Variants in CTIF observed in about 807,000 individuals in gnomAD.
CTIF encodes cap binding complex dependent translation initiation factor.
A neutral mutation model predicts 66.0 loss-of-function variants in CTIF; 21 were observed. The ratio of observed to expected loss-of-function variants is 0.32; its 90% confidence interval spans 0.23 to 0.46. The LOEUF is 0.46. CTIF is among the 20% of genes least tolerant of loss of function. CTIF has a pLI of 1.00. For missense variants in CTIF, 739 were observed against 812.7 expected (o/e 0.91, Z 1.10); for synonymous variants, 345 against 326.4 (o/e 1.06, Z -0.62).
intron 6 of CTIF, among the ~76,000 whole-genome samples, chr18:48,705,520 G>A (rs775006034): frequency 7.2e-5 from 11 of 152,196 alleles, no homozygotes; most frequent in Non-Finnish European, 1.5e-4. Context: ...ACAGGTGCAC[G>A]GGGTTAGGAC....
At chr18:48,705,509 C>T (rs2092140741) in intron 6 of CTIF, among the ~76,000 whole-genome samples, 1 of 152,250 alleles carries the variant, frequency 6.6e-6, no homozygotes, top group Non-Finnish European at 1.5e-5. Context: ...AAGTCACGTT[C>T]ACAGGTGCAC....
chr18:48,582,310 C>T lies in CTIF; in HGVS notation c.-28-37228C>T, dbSNP rs570138803. Reference sequence around the variant, plus strand: ...GGCAGGGCAGGGAGGTCATGGACCACGCATGGTGTGGACACACCCGTGGGA... The same window carrying T: ...GGCAGGGCAGGGAGGTCATGGACCATGCATGGTGTGGACACACCCGTGGGA... On this transcript the variant is annotated intron_variant, in intron 1 of 11. Coordinates refer to ENST00000256413, the MANE Select transcript of CTIF (RefSeq NM_014772.3). Among the ~76,000 whole-genome samples, 8 of 152,010 alleles carry T rather than the reference C, an allele frequency of 5.3e-5. No homozygotes were observed. The East Asian group carries it at 7.8e-4, about 15-fold the overall frequency.
At chr18:48,573,239 A>G (rs768011229) in intron 1 of CTIF, among the ~76,000 whole-genome samples, 3 of 152,228 alleles carry the variant, frequency 2.0e-5, no homozygotes, top group African/African-American at 4.8e-5. Flanking sequence ...CTCAGCCCAC[A>G]GAGCTGCTGG....
chr18:48,604,179 T>TTG (rs1390046722), intron 1 of CTIF, among the ~76,000 whole-genome samples: 15 of 122,736 alleles, frequency 1.2e-4, no homozygotes, highest in Admixed American at 1.0e-3. Flanking sequence ...TTTTTTTTTT[T>TTG]TTTTTTTTTT....
chr18:48,824,288 T>G (rs966806214), intron 10 of CTIF, among the ~76,000 whole-genome samples: 1 of 152,182 alleles, frequency 6.6e-6, no homozygotes, highest in Non-Finnish European at 1.5e-5. Flanking sequence ...TAAGGACCTC[T>G]TTCTCCTGCC....
intron 1 of CTIF, among the ~76,000 whole-genome samples, chr18:48,603,230 G>A (rs537317613): frequency 1.4e-5 from 2 of 146,500 alleles, no homozygotes; most frequent in Non-Finnish European, 3.0e-5. Context: ...GGGTGGGTGG[G>A]TAGATTGATG....
intron 7 of CTIF, among the ~76,000 whole-genome samples, chr18:48,716,811 CAA>C (rs1222114076): frequency 5.3e-5 from 8 of 152,188 alleles, no homozygotes; most frequent in South Asian, 2.1e-4. Flanking sequence ...GCCAGGGAGA[CAA>C]GAGAGCCATT....
At chr18:48,670,492 C>A (rs1012745748) in intron 5 of CTIF, 177 bp from the exon 6 acceptor site, 32 of 557,548 alleles carry the variant, frequency 5.7e-5, no homozygotes, top group African/African-American at 1.9e-4. Context: ...AGGACCCCCC[C>A]CCCACACACA....
At position 48,626,651 on chromosome 18, in the gene CTIF, T is replaced by G. The variant is rs529447207; in HGVS notation, c.180+6906T>G. On this transcript the variant is annotated intron_variant, in intron 2 of 11. Coordinates refer to ENST00000256413, the MANE Select transcript of CTIF (RefSeq NM_014772.3). ...TGAGCCACCGCACCTGGCCGTTTTT[T>G]TTTTGTTTTTTTTTTTTTTTTGAGA... Among the ~76,000 whole-genome samples the G allele has an allele frequency of 4.6e-5, 6 of 131,186 alleles. No individual in the cohort carries two copies. The East Asian group carries it at 1.0e-3, about 22-fold the overall frequency. The allele number at this position is 131,186 out of a possible 152,430, so 86.1% of individuals were successfully genotyped here. A position where few individuals can be genotyped will look rare whatever the true frequency, so the allele number is the denominator to read the frequency against.
At chr18:48,628,774 T>C (rs2144540564) in intron 2 of CTIF, among the ~76,000 whole-genome samples, 1 of 152,316 alleles carries the variant, frequency 6.6e-6, no homozygotes, top group East Asian at 1.9e-4. Context: ...ACAGGAAAGT[T>C]GTTTGTTCCT....
chr18:48,764,097 A>C, intron 9 of CTIF, among the ~76,000 whole-genome samples: 1 of 151,202 alleles, frequency 6.6e-6, no homozygotes, highest in African/African-American at 2.4e-5. Context: ...TCTCTGTCCC[A>C]CTCTGAGCAT....
At chr18:48,825,986 C>T (rs1377554523) in intron 10 of CTIF, 1 of 152,212 alleles carries the variant, frequency 6.6e-6, no homozygotes, top group Non-Finnish European at 1.5e-5. Context: ...ACTGACCAGC[C>T]AAAAACCCTT....
intron 9 of CTIF, among the ~76,000 whole-genome samples, chr18:48,787,079 G>T (rs1341452160): frequency 6.6e-6 from 1 of 152,188 alleles, no homozygotes; most frequent in Non-Finnish European, 1.5e-5. Context: ...CCAGACCATT[G>T]AGGCAGGGGC....
intron 6 of CTIF, chr18:48,682,983 G>A (rs1435665410): frequency 6.6e-6 from 1 of 152,334 alleles, no homozygotes; most frequent in African/African-American, 2.4e-5. Flanking sequence ...CCTGGGCTCA[G>A]TGTTCCAGAT....
intron 9 of CTIF, among the ~76,000 whole-genome samples, chr18:48,772,488 A>G (rs1352413856): frequency 4.0e-5 from 6 of 151,790 alleles, no homozygotes; most frequent in Admixed American, 2.6e-4. Flanking sequence ...CCCTACAGCA[A>G]TAACTCCCCT....
chr18:48,771,270 G>A (rs1371726432), intron 9 of CTIF, among the ~76,000 whole-genome samples: 5 of 152,136 alleles, frequency 3.3e-5, no homozygotes, highest in Non-Finnish European at 7.4e-5. Flanking sequence ...GATGTCTTGG[G>A]GCAAAGAATG....
At chr18:48,576,409 A>G (rs139318781) in intron 1 of CTIF, among the ~76,000 whole-genome samples, 114 of 152,294 alleles carry the variant, frequency 7.5e-4, no homozygotes, top group African/African-American at 2.6e-3. Flanking sequence ...TCCCTTCTTG[A>G]GATGGCCTTT....
In CTIF at chr18:48,603,528, T is replaced by TGG. The variant is rs1473962137; in HGVS notation, c.-28-16010_-28-16009insGG. 4.1e-5 allele frequency among the ~76,000 whole-genome samples: 6 copies of TGG among 145,306 alleles called. No homozygotes were observed. In the East Asian group the frequency reaches 1.2e-3, roughly 30 times the overall value. On this transcript the variant is annotated intron_variant, in intron 1 of 11. Transcript: ENST00000256413. ...ATGGATGGATGGATGGATGGATGGA[T>TGG]AGATGGATGAATGTGTGGATGGATG...
At chr18:48,724,164 G>A (rs1419136643) in intron 7 of CTIF, among the ~76,000 whole-genome samples, 2 of 152,184 alleles carry the variant, frequency 1.3e-5, no homozygotes, top group Admixed American at 6.5e-5. Context: ...TTCTTTCCAA[G>A]TAGGCCTGGA....
Sources: allele counts gnomAD v4.1 joint callset (sites outside exome capture counted in the v4.1 genomes callset), GRCh38; gene constraint gnomAD v4.1.1; transcripts MANE v1.5; gene names NCBI Gene and HGNC (gene_info 2026-07-23, HGNC 2026-07-21).